The following TMEM117 variants were observed in gnomAD, a reference collection of about 807,000 sequenced individuals.
TMEM117 encodes transmembrane protein 117.
In TMEM117, 27 loss-of-function variants were observed where a neutral mutation model predicts 52.4. That is an observed-to-expected ratio of 0.51 (90% CI 0.38 to 0.71). The LOEUF (loss-of-function observed/expected upper bound fraction) is 0.71, where lower values mean the gene tolerates loss of function less well. Ranked by LOEUF, TMEM117 falls within the 30% of genes least tolerant of loss-of-function variation. The pLI, the probability that TMEM117 is intolerant of heterozygous loss-of-function variation, is 0.00. For missense variants in TMEM117, 556 were observed against 630.5 expected, an observed-to-expected ratio of 0.88 and a Z score of 1.26; for synonymous variants, 215 against 206.3, an observed-to-expected ratio of 1.04 and a Z score of -0.36.
At chr12:44,374,616 T>TTGTGTGTGTGTG (rs5742462) in intron 6 of TMEM117, among the ~76,000 whole-genome samples, 36 of 144,910 alleles carry the variant, frequency 2.5e-4, no homozygotes, top group African/African-American at 5.8e-4. Context: ...AAGGAACTAT[T>TTGTGTGTGTGTG]TGTGTGTGTG....
At chr12:44,055,041 C>A (rs1947032808) in intron 3 of TMEM117, among the ~76,000 whole-genome samples, 1 of 152,128 alleles carries the variant, frequency 6.6e-6, no homozygotes, top group Non-Finnish European at 1.5e-5. Context: ...AGATTTATTA[C>A]ATGTTTATTA....
the TMEM117 span, chr12:43,802,487 A>T: frequency 6.4e-7 from 1 of 1,569,740 alleles, no homozygotes. Context: ...ATTTTTAGAA[A>T]GATAGGTAAA....
At chr12:43,898,047 C>T (rs1461855180) in intron 2 of TMEM117, among the ~76,000 whole-genome samples, 3 of 123,976 alleles carry the variant, frequency 2.4e-5, no homozygotes, top group African/African-American at 1.2e-4. Flanking sequence ...CACACACGCA[C>T]GCACACACAC....
At chr12:44,021,175 C>T (rs958582380) in intron 3 of TMEM117, among the ~76,000 whole-genome samples, 2 of 152,030 alleles carry the variant, frequency 1.3e-5, no homozygotes, top group African/African-American at 2.4e-5. Context: ...ACTCATGTCA[C>T]GGGGGTTTGT....
chr12:44,282,344 G>C (rs1950588263), intron 5 of TMEM117, among the ~76,000 whole-genome samples: 1 of 152,190 alleles, frequency 6.6e-6, no homozygotes, highest in Non-Finnish European at 1.5e-5. Flanking sequence ...GGTTGGAACA[G>C]TTTGGAGGGC....
intron 3 of TMEM117, among the ~76,000 whole-genome samples, chr12:43,950,496 G>A (rs1945202008): frequency 6.6e-6 from 1 of 151,994 alleles, no homozygotes; most frequent in African/African-American, 2.4e-5. Flanking sequence ...ATGTCTTTCT[G>A]GGCCTGAGTA....
At chr12:43,828,683 C>A in the TMEM117 span, among the ~76,000 whole-genome samples, 1 of 152,210 alleles carries the variant, frequency 6.6e-6, no homozygotes, top group Admixed American at 6.5e-5. Flanking sequence ...TGAGTCCCTG[C>A]CCCCATCCCC....
chr12:43,941,503 C>T (rs1415520982), intron 2 of TMEM117, among the ~76,000 whole-genome samples: 1 of 152,226 alleles, frequency 6.6e-6, no homozygotes, highest in Non-Finnish European at 1.5e-5. Flanking sequence ...TTCCATCTGA[C>T]ATCCTCAGGC....
intron 2 of TMEM117, among the ~76,000 whole-genome samples, chr12:43,877,850 A>G (rs1943827101): frequency 6.6e-6 from 1 of 151,486 alleles, no homozygotes; most frequent in African/African-American, 2.4e-5. Flanking sequence ...ACCAGTTGCA[A>G]AGTAATATGG....
chr12:44,265,967 G>GA (rs1950372874), intron 5 of TMEM117, among the ~76,000 whole-genome samples: 1 of 151,990 alleles, frequency 6.6e-6, no homozygotes, highest in South Asian at 2.1e-4. Context: ...CCATTGTATG[G>GA]ATAAAGCAAA....
At chr12:44,352,606 C>G (rs1385512330) in intron 6 of TMEM117, among the ~76,000 whole-genome samples, 1 of 152,110 alleles carries the variant, frequency 6.6e-6, no homozygotes, top group African/African-American at 2.4e-5. Flanking sequence ...TCATCCATGT[C>G]CCTACAAAGG....
chr12:43,798,905 A>G, the TMEM117 span, among the ~76,000 whole-genome samples: 1 of 152,220 alleles, frequency 6.6e-6, no homozygotes, highest in South Asian at 2.1e-4. Context: ...CTACAAAATA[A>G]TATGGCTGAA....
intron 3 of TMEM117, among the ~76,000 whole-genome samples, chr12:44,077,059 A>C (rs1338655750): frequency 6.6e-6 from 1 of 152,200 alleles, no homozygotes; most frequent in South Asian, 2.1e-4. Flanking sequence ...GTACAGTCTC[A>C]TACTCACCAG....
At chr12:44,380,957 A>G (rs1394932629) in intron 7 of TMEM117, among the ~76,000 whole-genome samples, 1 of 152,170 alleles carries the variant, frequency 6.6e-6, no homozygotes, top group Non-Finnish European at 1.5e-5. Context: ...TATGACACTG[A>G]TGAGTTCCCA....
intron 3 of TMEM117, among the ~76,000 whole-genome samples, chr12:44,036,666 GC>G (rs1486611328): frequency 6.6e-6 from 1 of 152,010 alleles, no homozygotes; most frequent in African/African-American, 2.4e-5. Context: ...TAGTTTTCTT[GC>G]CATTTCAAAT....
chr12:44,375,461 A>C (rs1443579879), intron 6 of TMEM117, among the ~76,000 whole-genome samples: 1 of 152,158 alleles, frequency 6.6e-6, no homozygotes. Context: ...TGCCACTCAC[A>C]TATTGTCTTC....
At chr12:44,087,602 C>G (rs1286532283) in intron 3 of TMEM117, among the ~76,000 whole-genome samples, 2 of 152,022 alleles carry the variant, frequency 1.3e-5, no homozygotes, top group Admixed American at 6.6e-5. Flanking sequence ...GCAGCTGGGA[C>G]TATAGGTGTG....
intron 6 of TMEM117, among the ~76,000 whole-genome samples, chr12:44,370,786 G>A (rs1951854169): frequency 6.6e-6 from 1 of 152,058 alleles, no homozygotes; most frequent in African/African-American, 2.4e-5. Flanking sequence ...CCAAAGTGCT[G>A]GGATTACAGG....
chr12:44,200,246 A>C (rs7137787), intron 4 of TMEM117, among the ~76,000 whole-genome samples: 1 of 152,072 alleles, frequency 6.6e-6, no homozygotes, highest in Non-Finnish European at 1.5e-5. Flanking sequence ...GATAAACCCA[A>C]TGTTTAGTTT....
Sources: allele counts gnomAD v4.1 joint callset (sites outside exome capture counted in the v4.1 genomes callset), GRCh38; gene constraint gnomAD v4.1.1; transcripts MANE v1.5; gene names NCBI Gene and HGNC (gene_info 2026-07-23, HGNC 2026-07-21).